SCML4: variants seen among roughly 807,000 people sequenced by gnomAD.
The protein encoded by SCML4 is Scm polycomb group protein like 4.
In SCML4, 34 loss-of-function variants were observed where a neutral mutation model predicts 41.1. The ratio of observed to expected loss-of-function variants is 0.83; its 90% CI spans 0.63 to 1.10. SCML4 has a LOEUF of 1.10. Among genes scored for constraint, SCML4 ranks in the 50% least tolerant of loss-of-function variants. The pLI is 0.00. For missense variants in SCML4, 522 were observed against 534.1 expected (o/e 0.98, Z 0.22); for synonymous variants, 214 against 220.9 (o/e 0.97, Z 0.28).
At chr6:107,717,026 G>A (rs548522233) in intron 6 of SCML4, among the ~76,000 whole-genome samples, 14 of 151,812 alleles carry the variant, frequency 9.2e-5, no homozygotes, top group Admixed American at 2.0e-4. Context: ...TCGGCTGGGC[G>A]GGGTGGCTCA....
At chr6:107,751,575 TTTCTTTCTTTC>T in intron 2 of SCML4, among the ~76,000 whole-genome samples, 1 of 44,154 alleles carries the variant, frequency 2.3e-5, no homozygotes, top group East Asian at 4.6e-4. Context: ...TTTAACAATC[TTTCTTTCTTTC>T]TTTCTTTCTT....
upstream of SCML4, among the ~76,000 whole-genome samples, chr6:107,826,158 C>G (rs1202021882): frequency 6.6e-6 from 1 of 151,126 alleles, no homozygotes; most frequent in Non-Finnish European, 1.5e-5. Flanking sequence ...GCAGGAGAAT[C>G]GCTTGAACCT....
intron 5 of SCML4, among the ~76,000 whole-genome samples, chr6:107,732,585 CCTT>C (rs2114453456): frequency 6.6e-6 from 1 of 152,292 alleles, no homozygotes. Context: ...TTGATTTCCT[CCTT>C]TGGAAATTTT....
At chr6:107,788,329 G>A (rs1463920590) in intron 1 of SCML4, among the ~76,000 whole-genome samples, 1 of 152,160 alleles carries the variant, frequency 6.6e-6, no homozygotes, top group Non-Finnish European at 1.5e-5. Context: ...ATGTCACCAG[G>A]CTGCCATAAG....
At chr6:107,812,636 C>T (rs1288613551) in intron 1 of SCML4, among the ~76,000 whole-genome samples, 1 of 152,176 alleles carries the variant, frequency 6.6e-6, no homozygotes, top group Non-Finnish European at 1.5e-5. Flanking sequence ...AAGGCTGACC[C>T]TCCGTGGGGT....
At chr6:107,838,466 C>T in the SCML4 span, among the ~76,000 whole-genome samples, 2 of 152,322 alleles carry the variant, frequency 1.3e-5, no homozygotes, top group South Asian at 2.1e-4. Context: ...GCCAGACTTC[C>T]GGCCTCCCCC....
At chr6:107,741,095 G>A (rs555594172) in intron 5 of SCML4, among the ~76,000 whole-genome samples, 107 of 152,194 alleles carry the variant, frequency 7.0e-4, no homozygotes, top group African/African-American at 2.5e-3. Context: ...TTTCGAGGCC[G>A]ACTTCAAGTT....
intron 7 of SCML4, among the ~76,000 whole-genome samples, chr6:107,707,529 G>A (rs928715064): frequency 6.6e-6 from 1 of 152,136 alleles, no homozygotes; most frequent in African/African-American, 2.4e-5. Flanking sequence ...GTGCTACTGC[G>A]GTTTGCCTGG....
At chr6:107,768,658 T>A (rs1780269813) in intron 2 of SCML4, among the ~76,000 whole-genome samples, 1 of 152,132 alleles carries the variant, frequency 6.6e-6, no homozygotes, top group African/African-American at 2.4e-5. Context: ...TTCCTCTCAC[T>A]CTCAAACTAT....
chr6:107,772,949 T>C (rs75902661), intron 1 of SCML4, among the ~76,000 whole-genome samples: 1,680 of 152,346 alleles, frequency 0.011, 32 homozygotes, highest in African/African-American at 0.039. Context: ...CATTTTAACA[T>C]GATTTGTTCA....
upstream of SCML4, among the ~76,000 whole-genome samples, chr6:107,828,899 AACC>A (rs1265086488): frequency 6.6e-6 from 1 of 152,200 alleles, no homozygotes; most frequent in East Asian, 1.9e-4. Flanking sequence ...TTAAAGACAA[AACC>A]GTTCTGTGTA....
At chr6:107,761,708 A>AT (rs1779611393) in intron 2 of SCML4, among the ~76,000 whole-genome samples, 1 of 152,116 alleles carries the variant, frequency 6.6e-6, no homozygotes, top group South Asian at 2.1e-4. Context: ...AAGTGCTAGG[A>AT]TTACAGGCAT....
intron 1 of SCML4, among the ~76,000 whole-genome samples, chr6:107,803,286 CTG>C (rs1246545301): frequency 1.4e-5 from 2 of 144,038 alleles, no homozygotes; most frequent in Non-Finnish European, 3.0e-5. Context: ...ACCGCCCCAT[CTG>C]TGAAGTGAGG....
chr6:107,760,789 T>G, intron 2 of SCML4, among the ~76,000 whole-genome samples: 1 of 152,256 alleles, frequency 6.6e-6, no homozygotes, highest in African/African-American at 2.4e-5. Flanking sequence ...TATTAAGATA[T>G]TTCAATTATC....
intron 5 of SCML4, among the ~76,000 whole-genome samples, chr6:107,734,456 C>T (rs1383105612): frequency 1.3e-5 from 2 of 152,154 alleles, no homozygotes; most frequent in African/African-American, 4.8e-5. Context: ...ATAACTTCCT[C>T]GGTATCTACA....
At chr6:107,786,647 C>A (rs1781918201) in intron 1 of SCML4, among the ~76,000 whole-genome samples, 1 of 152,190 alleles carries the variant, frequency 6.6e-6, no homozygotes, top group Non-Finnish European at 1.5e-5. Flanking sequence ...TAAGGATTGA[C>A]AAATATTTAT....
At chr6:107,720,119 C>T in intron 6 of SCML4, 1 of 984,856 alleles carries the variant, frequency 1.0e-6, no homozygotes, top group Non-Finnish European at 1.2e-6. Flanking sequence ...ATGCAAGAGA[C>T]AATTCTTTAC....
At chr6:107,819,427 C>T (rs1030057403) in intron 1 of SCML4, among the ~76,000 whole-genome samples, 1 of 152,166 alleles carries the variant, frequency 6.6e-6, no homozygotes, top group African/African-American at 2.4e-5. Context: ...GCTAAGCAGA[C>T]AACATCACCA....
intron 6 of SCML4, among the ~76,000 whole-genome samples, chr6:107,708,262 A>AGC (rs1326818070): frequency 6.6e-6 from 1 of 152,106 alleles, no homozygotes; most frequent in Non-Finnish European, 1.5e-5. Flanking sequence ...CTCTCCCAGG[A>AGC]GAGGAAGCAC....
Sources: gnomAD v4.1 joint callset for allele counts (sites outside exome capture counted in the v4.1 genomes callset) on GRCh38, gnomAD v4.1.1 for gene constraint, MANE v1.5 for transcripts, NCBI Gene and HGNC (gene_info 2026-07-23, HGNC 2026-07-21) for gene names.